MSN: variants seen among roughly 807,000 people sequenced by gnomAD.
MSN encodes epididymis luminal protein 70.
In MSN, 2 loss-of-function variants were observed where a neutral mutation model predicts 48.0. That is an observed-to-expected ratio of 0.04 (90% CI 0.02 to 0.13). The LOEUF is 0.13. Ranked by LOEUF, MSN falls within the 10% of genes least tolerant of loss-of-function variation. MSN has a pLI of 1.00. For synonymous variants in MSN, 146 were observed against 166.9 expected, an observed-to-expected ratio of 0.87 and a Z score of 0.97; for missense variants, 267 against 470.1, an observed-to-expected ratio of 0.57 and a Z score of 3.99.
At chrX:65,636,864 G>A (rs2070606595) in intron 1 of MSN, among the ~76,000 whole-genome samples, 2 of 86,233 alleles carry the variant, frequency 2.3e-5, no homozygotes, top group Non-Finnish European at 2.2e-5. Flanking sequence ...GGCGGATCAC[G>A]AGGTCAGGAG....
intron 1 of MSN, among the ~76,000 whole-genome samples, chrX:65,638,067 G>A (rs970098404): frequency 2.7e-5 from 3 of 112,194 alleles, no homozygotes; most frequent in African/African-American, 9.7e-5. Flanking sequence ...CTAGATCATG[G>A]ATTGTCAATA....
At chrX:65,704,145 T>C (rs1181626655) in intron 1 of MSN, among the ~76,000 whole-genome samples, 1 of 111,721 alleles carries the variant, frequency 9.0e-6, no homozygotes, top group African/African-American at 3.3e-5. Flanking sequence ...AAATACTTCC[T>C]GTAAAACTTG....
chrX:65,652,674 T>C lies in MSN; in HGVS notation c.-22+64062T>C, dbSNP rs1346579357. Among the ~76,000 whole-genome samples the C allele has an allele frequency of 4.5e-5, 5 of 111,592 alleles. No individual in the cohort carries two copies. In the Admixed American group the frequency reaches 4.8e-4, roughly 11 times the overall value. On this transcript the variant is annotated intron_variant, in intron 1 of 3. Coordinates refer to the MSN transcript ENST00000609672. ...GGAGCATGGGATCATTAATCTTTTG[T>C]ATTAACTTGCTTGATTCTTATTGCT...
intron 2 of MSN, among the ~76,000 whole-genome samples, chrX:65,726,309 A>AAAGGT (rs2071567381): frequency 9.0e-6 from 1 of 111,702 alleles, no homozygotes; most frequent in East Asian, 2.8e-4. Flanking sequence ...CTAGAGAAGA[A>AAAGGT]AAGGTACAAG....
chrX:65,675,853 G>A (rs1428644643), intron 1 of MSN, among the ~76,000 whole-genome samples: 1 of 111,463 alleles, frequency 9.0e-6, no homozygotes, highest in Admixed American at 9.5e-5. Flanking sequence ...GGCCAGGCTG[G>A]TCTTGAACTT....
intron 1 of MSN, among the ~76,000 whole-genome samples, chrX:65,708,706 G>A (rs910464510): frequency 1.1e-4 from 11 of 103,929 alleles, no homozygotes; most frequent in Non-Finnish European, 1.8e-4. Context: ...ATTTTGAGAC[G>A]GAGTCTTGCT....
chrX:65,619,400 T>C (rs374556032), intron 1 of MSN, among the ~76,000 whole-genome samples: 108 of 93,359 alleles, frequency 1.2e-3, no homozygotes, highest in African/African-American at 4.5e-3. Context: ...GGAGGCTTTG[T>C]TCATTTCTTT....
intron 8 of MSN, among the ~76,000 whole-genome samples, chrX:65,735,636 T>TAGG (rs1453168732): frequency 8.9e-6 from 1 of 112,506 alleles, no homozygotes; most frequent in Non-Finnish European, 1.9e-5. Flanking sequence ...AACTGCCCTG[T>TAGG]AGGACCTCAC....
intron 4 of MSN, among the ~76,000 whole-genome samples, chrX:65,730,765 A>G (rs1247005353): frequency 9.0e-6 from 1 of 111,049 alleles, no homozygotes; most frequent in Non-Finnish European, 1.9e-5. Context: ...CATGAGGTCC[A>G]TCCCTACTGT....
intron 1 of MSN, among the ~76,000 whole-genome samples, chrX:65,620,177 C>T (rs2070423221): frequency 8.9e-6 from 1 of 112,714 alleles, no homozygotes; most frequent in African/African-American, 3.2e-5. Context: ...CTGTGCCCTG[C>T]CCCCAGAGGT....
At chrX:65,698,290 G>C (rs182577622) in intron 1 of MSN, among the ~76,000 whole-genome samples, 2 of 112,313 alleles carry the variant, frequency 1.8e-5, no homozygotes, top group African/African-American at 6.5e-5. Flanking sequence ...AACACCTTGT[G>C]TAAGAGCCCC....
intron 1 of MSN, among the ~76,000 whole-genome samples, chrX:65,636,716 C>T (rs751737443): frequency 3.8e-5 from 3 of 78,027 alleles, no homozygotes; most frequent in Admixed American, 3.6e-4. Flanking sequence ...TATTGCACTC[C>T]GGGCTGGGCA....
chrX:65,642,996 C>CT (rs954985555), intron 1 of MSN, among the ~76,000 whole-genome samples: 1 of 110,847 alleles, frequency 9.0e-6, no homozygotes, highest in Admixed American at 9.7e-5. Flanking sequence ...TCGCTTCTCC[C>CT]TTATCTCAGA....
intron 1 of MSN, among the ~76,000 whole-genome samples, chrX:65,703,232 CTAT>C (rs1569464589): frequency 1.8e-5 from 2 of 110,994 alleles, no homozygotes; most frequent in Non-Finnish European, 1.9e-5. Context: ...ACTTTCATGT[CTAT>C]TATTATTATT....
chrX:65,729,842 C>T (rs914556347), intron 4 of MSN, 130 bp downstream of exon 4: 63 of 691,513 alleles, frequency 9.1e-5, no homozygotes, highest in Non-Finnish European at 5.6e-5. Context: ...CTGTGTTATG[C>T]TGCTCAAGAG....
chrX:65,611,054 A>G (rs2070315052), intron 1 of MSN, among the ~76,000 whole-genome samples: 2 of 111,659 alleles, frequency 1.8e-5, no homozygotes, highest in Admixed American at 1.9e-4. Flanking sequence ...CACCAGGCCT[A>G]GGGAAACCAT....
intron 1 of MSN, chrX:65,624,972 T>C (rs1178329338): frequency 8.9e-6 from 1 of 111,854 alleles, no homozygotes; most frequent in Admixed American, 9.5e-5. Context: ...CCCAAATTTT[T>C]GGTATGCTGT....
At chrX:65,591,518 C>T (rs1354616763) in intron 1 of MSN, among the ~76,000 whole-genome samples, 1 of 111,876 alleles carries the variant, frequency 8.9e-6, no homozygotes, top group South Asian at 3.7e-4. Context: ...TGTAAATAGG[C>T]CTATTGATCC....
At chrX:65,641,751 G>T (rs1434769601) in intron 1 of MSN, among the ~76,000 whole-genome samples, 1 of 105,191 alleles carries the variant, frequency 9.5e-6, no homozygotes. Context: ...TTTAAAATTT[G>T]TTTACTGAGG....
Sources: gnomAD v4.1 joint callset for allele counts (sites outside exome capture counted in the v4.1 genomes callset) on GRCh38, gnomAD v4.1.1 for gene constraint, MANE v1.5 for transcripts, NCBI Gene and HGNC (gene_info 2026-07-23, HGNC 2026-07-21) for gene names.